Variants in CADPS observed in about 807,000 individuals in gnomAD.
CADPS encodes the protein calcium-dependent secretion activator 1.
Under a neutral mutation model 167.3 loss-of-function variants are expected in CADPS, and 57 were observed. The ratio of observed to expected loss-of-function variants is 0.34; its 90% CI spans 0.28 to 0.42. The LOEUF (loss-of-function observed/expected upper bound fraction) is 0.42. Among genes scored for constraint, CADPS ranks in the 20% least tolerant of loss-of-function variants. CADPS has a pLI of 1.00. For missense variants in CADPS, 1,414 were observed against 1,738.1 expected, an observed-to-expected ratio of 0.81 and a Z score of 3.32; for synonymous variants, 676 against 635.3, an observed-to-expected ratio of 1.06 and a Z score of -0.96.
chr3:62,493,735 G>A, intron 18 of CADPS, 70 bp from the exon 19 acceptor site: 1 of 1,241,550 alleles, frequency 8.1e-7, no homozygotes, highest in Admixed American at 2.0e-5. Flanking sequence ...GCTGGAAATA[G>A]ACACCTGCTG....
chr3:62,837,949 A>G (rs766572817), intron 1 of CADPS, among the ~76,000 whole-genome samples: 1 of 152,236 alleles, frequency 6.6e-6, no homozygotes, highest in Non-Finnish European at 1.5e-5. Flanking sequence ...TTAATTAAGC[A>G]TTAGTGAAAC....
intron 19 of CADPS, 77 bp from the exon 20 acceptor site, chr3:62,492,523 C>G: frequency 7.2e-7 from 1 of 1,384,192 alleles, no homozygotes; most frequent in Non-Finnish European, 1.0e-6. Context: ...GAATTCCAGC[C>G]CTCACTGTTC....
At chr3:62,856,675 TAAATTCA>T (rs904829101) in intron 1 of CADPS, among the ~76,000 whole-genome samples, 1 of 151,882 alleles carries the variant, frequency 6.6e-6, no homozygotes, top group African/African-American at 2.4e-5. Flanking sequence ...AGCTCAAAAA[TAAATTCA>T]AATATTAATA....
chr3:62,770,707 T>C (rs1234128131), intron 1 of CADPS, among the ~76,000 whole-genome samples: 1 of 152,230 alleles, frequency 6.6e-6, no homozygotes, highest in Non-Finnish European at 1.5e-5. Flanking sequence ...ATTATAAGCG[T>C]GAGCCGTCAT....
At chr3:62,749,247 T>G (rs2082179010) in intron 3 of CADPS, among the ~76,000 whole-genome samples, 1 of 152,230 alleles carries the variant, frequency 6.6e-6, no homozygotes, top group Non-Finnish European at 1.5e-5. Flanking sequence ...TCTTATCTTT[T>G]GATAGACATG....
At chr3:62,857,921 T>A (rs2080019663) in intron 1 of CADPS, among the ~76,000 whole-genome samples, 1 of 152,198 alleles carries the variant, frequency 6.6e-6, no homozygotes, top group Non-Finnish European at 1.5e-5. Flanking sequence ...AAGTTTTTGC[T>A]TTTTGGTTTT....
chr3:62,788,552 AC>A (rs1200548982), intron 1 of CADPS, among the ~76,000 whole-genome samples: 1 of 152,126 alleles, frequency 6.6e-6, no homozygotes, highest in Non-Finnish European at 1.5e-5. Context: ...TGATCTTGGG[AC>A]CCGACACAGC....
chr3:62,825,160 G>A (rs917025539), intron 1 of CADPS, among the ~76,000 whole-genome samples: 6 of 152,088 alleles, frequency 3.9e-5, no homozygotes, highest in Non-Finnish European at 8.8e-5. Flanking sequence ...AGGAAGTTCC[G>A]TCAGTTTCTA....
At chr3:62,726,876 T>C (rs2076843195) in intron 3 of CADPS, among the ~76,000 whole-genome samples, 1 of 151,810 alleles carries the variant, frequency 6.6e-6, no homozygotes, top group African/African-American at 2.4e-5. Flanking sequence ...CTGGTATTGG[T>C]AGGCATTTGG....
chr3:62,715,314 T>C (rs1214029595), intron 3 of CADPS, among the ~76,000 whole-genome samples: 1 of 152,020 alleles, frequency 6.6e-6, no homozygotes, highest in African/African-American at 2.4e-5. Flanking sequence ...GCTAATTTTA[T>C]ATTTCCGGTA....
chr3:62,851,273 C>T (rs1324739470), intron 1 of CADPS, among the ~76,000 whole-genome samples: 2 of 134,510 alleles, frequency 1.5e-5, no homozygotes, highest in Non-Finnish European at 1.6e-5. Context: ...AGTCCATTTA[C>T]ATTTAAAGTT....
chr3:62,560,960 T>C (rs1245842265), intron 9 of CADPS, among the ~76,000 whole-genome samples: 1 of 151,258 alleles, frequency 6.6e-6, no homozygotes, highest in Non-Finnish European at 1.5e-5. Context: ...ACTCCTGTAA[T>C]CTCAGCTACT....
chr3:62,578,616 AT>A (rs67866873), intron 8 of CADPS, among the ~76,000 whole-genome samples: 6,263 of 43,948 alleles, frequency 0.14, 595 homozygotes, highest in East Asian at 0.22. Context: ...TCTCAAAAAA[AT>A]AAAAAAAAAA....
chr3:62,705,990 G>A (rs1284514076), intron 3 of CADPS, among the ~76,000 whole-genome samples: 2 of 152,034 alleles, frequency 1.3e-5, no homozygotes, highest in Non-Finnish European at 2.9e-5. Flanking sequence ...GTTAGTGATG[G>A]CGTCCAAGGC....
chr3:62,422,829 G>A lies in CADPS; in HGVS notation c.3777+15275C>T, dbSNP rs993516599. On this transcript the variant is annotated intron_variant, in intron 28 of 29. Transcript: ENST00000383710. ...TTAGCTATGTAGGTAGGTTAAAAGAGTCAACAGTACCTCATTGGAAAATCT... is the reference window on the plus strand; with the variant it reads ...TTAGCTATGTAGGTAGGTTAAAAGAATCAACAGTACCTCATTGGAAAATCT... Among the ~76,000 whole-genome samples, 17 of 152,298 alleles carry A rather than the reference G, an allele frequency of 1.1e-4. No individual in the cohort carries two copies. In the South Asian group the frequency reaches 2.1e-3, roughly 19 times the overall value.
chr3:62,632,205 C>T (rs534705478), intron 6 of CADPS, among the ~76,000 whole-genome samples: 2 of 152,110 alleles, frequency 1.3e-5, no homozygotes, highest in Non-Finnish European at 2.9e-5. Context: ...CCCACAGATA[C>T]AGAAAAACTG....
rs759144701 is a variant in CADPS at position 62,650,947 on chromosome 3, T to C, written c.1103A>G (p.Gln368Arg). 6.2e-7 allele frequency: 1 copy of C among 1,614,112 alleles called. No individual in the cohort carries two copies. The highest frequency in any genetic ancestry group is 8.5e-7 in the Non-Finnish European group (1 of 1,179,980). Residue 368 changes from glutamine to arginine, a missense_variant, in exon 5 of 30, where the codon CAG becomes CGG. Physicochemically the swap from Gln to Arg is conservative, Grantham distance 43 (BLOSUM62 1). Coordinates refer to ENST00000383710, the MANE Select transcript of CADPS (RefSeq NM_003716.4). ...PVSKGGEFKL[Q>R]KLKRSHNASI... ...AGCATTGTGGCTGCGTTTGAGTTTC[T>C]GGAGCTTGAACTCCCCGCCTTTGGA...
At chr3:62,733,538 A>T (rs141228262) in intron 3 of CADPS, among the ~76,000 whole-genome samples, 1 of 152,298 alleles carries the variant, frequency 6.6e-6, no homozygotes, top group East Asian at 1.9e-4. Context: ...TATTACATTC[A>T]AACTTCAAAT....
At chr3:62,764,563 A>T (rs1198276154) in intron 2 of CADPS, among the ~76,000 whole-genome samples, 1 of 152,226 alleles carries the variant, frequency 6.6e-6, no homozygotes, top group Admixed American at 6.5e-5. Flanking sequence ...TTAGCAAACC[A>T]ATCAATAATA....
Sources: allele counts gnomAD v4.1 joint callset (sites outside exome capture counted in the v4.1 genomes callset), GRCh38; gene constraint gnomAD v4.1.1; transcripts MANE v1.5; gene names NCBI Gene and HGNC (gene_info 2026-07-23, HGNC 2026-07-21).